BAIAP2: variants seen among roughly 807,000 people sequenced by gnomAD.
BAIAP2 encodes BAR/IMD domain-containing adapter protein 2.
In BAIAP2, 18 loss-of-function variants were observed where a neutral mutation model predicts 63.0. The observed-to-expected ratio is 0.29, with a 90% confidence interval of 0.20 to 0.42. The LOEUF (loss-of-function observed/expected upper bound fraction) is 0.42. BAIAP2 is among the 10% of genes least tolerant of loss of function. BAIAP2 has a pLI of 1.00. For synonymous variants in BAIAP2, 386 were observed against 307.6 expected (o/e 1.25, Z -2.67); for missense variants, 610 against 734.3 (o/e 0.83, Z 1.96).
rs946595096 is a variant in BAIAP2, at chr17:81,035,159, G to C, written c.-96G>C. On this transcript the variant is annotated 5_prime_UTR_variant, in exon 1 of 14. Transcript: ENST00000428708. ...GCCGGACGCCGGGCTCTGTGGTTCG[G>C]GTCCGCTTTCGTCTCCGTCCTGCTG... 1 of 1,039,480 alleles carries C rather than the reference G, an allele frequency of 9.6e-7. No homozygotes were observed. The highest frequency in any genetic ancestry group is 3.0e-5 in the Admixed American group (1 of 33,702). The allele number at this position is 1,039,480 out of a possible 1,614,324, so 64.4% of individuals were successfully genotyped here.
At chr17:81,043,252 G>A (rs950287217) in intron 1 of BAIAP2, among the ~76,000 whole-genome samples, 2 of 152,226 alleles carry the variant, frequency 1.3e-5, no homozygotes, top group Non-Finnish European at 2.9e-5. Context: ...CCCCATACCC[G>A]TTTTTCCAGC....
At chr17:81,095,992 G>A (rs2057554976) in intron 6 of BAIAP2, among the ~76,000 whole-genome samples, 1 of 152,138 alleles carries the variant, frequency 6.6e-6, no homozygotes, top group Non-Finnish European at 1.5e-5. Context: ...CTGTAGGGTG[G>A]GCAACCGGAG....
rs548904508 is a variant in BAIAP2 at position 81,057,722 on chromosome 17, T to C, written c.131-159T>C. The stretch of plus-strand genomic sequence containing the variant: ...ACAAGAATATCAACAAGAGATGGGT[T>C]CTGTCCAACCCAGAAATCACAGCGA... On this transcript the variant is annotated intron_variant, in intron 2 of 13. Coordinates refer to ENST00000428708, the MANE Select transcript of BAIAP2 (RefSeq NM_001144888.2). The C allele has an allele frequency of 2.8e-5, 39 of 1,404,712 alleles. No homozygotes were observed. In the East Asian group the frequency reaches 9.2e-4, roughly 33 times the overall value. The allele number at this position is 1,404,712 out of a possible 1,614,324, so 87.0% of individuals were successfully genotyped here.
intron 1 of BAIAP2, among the ~76,000 whole-genome samples, chr17:81,047,451 C>T (rs560714607): frequency 1.5e-4 from 23 of 152,350 alleles, no homozygotes; most frequent in Non-Finnish European, 5.9e-5. Context: ...ATAGAAAACA[C>T]GGCTCAGCCT....
intron 4 of BAIAP2, 154 bp downstream of exon 4, chr17:81,085,047 C>T (rs2055330204): frequency 1.3e-6 from 1 of 765,194 alleles, no homozygotes; most frequent in South Asian, 1.6e-5. Context: ...ACAAGCCACA[C>T]TCGAAGGAGG....
At chr17:81,050,189 C>T (rs1027351142) in intron 1 of BAIAP2, among the ~76,000 whole-genome samples, 2 of 152,216 alleles carry the variant, frequency 1.3e-5, no homozygotes, top group Non-Finnish European at 2.9e-5. Flanking sequence ...AGGAACTGGC[C>T]CTTCCGCCCG....
At chr17:81,036,891 T>G in intron 1 of BAIAP2, 1 of 1,535,622 alleles carries the variant, frequency 6.5e-7, no homozygotes, top group Non-Finnish European at 8.7e-7. Flanking sequence ...CAGCGGAACC[T>G]TTTTCCTATT....
chr17:81,056,911 G>C (rs1568087297), intron 2 of BAIAP2, among the ~76,000 whole-genome samples: 1 of 150,572 alleles, frequency 6.6e-6, no homozygotes, highest in African/African-American at 2.5e-5. Flanking sequence ...GCGTTTTTCT[G>C]CTGTTGCGTT....
chr17:81,108,179 G>A lies in BAIAP2; in HGVS notation c.1501-296G>A, dbSNP rs2059404932. On this transcript the variant is annotated intron_variant, in intron 12 of 13. Transcript: ENST00000428708. ...CGGCTCCCTGGGGGCAGGAGGAGGG[G>A]TCTCAGGCGGCCAGTCTTGCATCTG... 6.2e-6 allele frequency: 3 copies of A among 487,346 alleles called. No individual in the cohort carries two copies. In the Admixed American group the frequency reaches 1.1e-4, roughly 19 times the overall value. 30.2% of individuals were successfully genotyped at this position (487,346 alleles called of 1,614,324 possible).
At chr17:81,109,159 C>T in intron 13 of BAIAP2, 1 of 1,436,684 alleles carries the variant, frequency 7.0e-7, no homozygotes. Flanking sequence ...CTGTGATCCC[C>T]CAGGGTCCAT....
intron 6 of BAIAP2, chr17:81,098,216 T>G (rs1312389927): frequency 7.5e-7 from 1 of 1,334,544 alleles, no homozygotes; most frequent in Non-Finnish European, 9.7e-7. Context: ...CAACAAGCCC[T>G]GCACCCATGG....
In BAIAP2 at chr17:81,115,846, C is replaced by A. The variant is rs770401249; in HGVS notation, c.*7C>A. 1.2e-6 allele frequency: 2 copies of A among 1,613,168 alleles called. No homozygotes were observed. Among genetic ancestry groups the A allele is most frequent in the African/African-American group, 2.7e-5 (2 of 74,956 alleles). On this transcript the variant is annotated 3_prime_UTR_variant, in exon 14 of 14. Transcript: ENST00000428708. ...TGCCCCCCTCCTCAGCTGATGGCCA[C>A]ATCTGCAGTGCTGCCCATCTGGTGG...
At chr17:81,104,193 G>A in intron 9 of BAIAP2, 85 bp downstream of exon 9, 1 of 1,424,728 alleles carries the variant, frequency 7.0e-7, no homozygotes, top group Non-Finnish European at 9.7e-7. Context: ...CTCAATAGGG[G>A]CCTGGGAGAC....
chr17:81,075,552 G>A (rs1344274142), intron 3 of BAIAP2, among the ~76,000 whole-genome samples: 2 of 152,250 alleles, frequency 1.3e-5, no homozygotes, highest in African/African-American at 4.8e-5. Context: ...AGACGCGGCT[G>A]TGTCAGAGCA....
intron 1 of BAIAP2, chr17:81,035,910 G>A (rs1467924449): frequency 2.6e-5 from 4 of 152,250 alleles, no homozygotes; most frequent in Admixed American, 2.0e-4. Flanking sequence ...GGAGGTCGGA[G>A]CGCGGGCAGG....
chr17:81,035,222 C>A lies in BAIAP2; in HGVS notation c.-33C>A. The A allele has an allele frequency of 2.0e-6, 3 of 1,473,410 alleles. No homozygotes were observed. The highest frequency in any genetic ancestry group is 2.7e-6 in the Non-Finnish European group (3 of 1,103,868). The allele number at this position is 1,473,410 out of a possible 1,614,324, so 91.3% of individuals were successfully genotyped here. A position where few individuals can be genotyped will look rare whatever the true frequency, so the allele number is the denominator to read the frequency against. On this transcript the variant is annotated 5_prime_UTR_variant, in exon 1 of 14. Transcript: ENST00000428708. The stretch of plus-strand genomic sequence containing the variant: ...CTGCTGCCGCCGCTTGCGTCCCCCG[C>A]TCCGGTCTGTGGTGCAGCCGGGACC...
At chr17:81,039,609 G>C (rs2046808770) in intron 1 of BAIAP2, among the ~76,000 whole-genome samples, 1 of 152,186 alleles carries the variant, frequency 6.6e-6, no homozygotes, top group Admixed American at 6.5e-5. Context: ...TGGACCTGAG[G>C]TTCAGGATTA....
intron 1 of BAIAP2, among the ~76,000 whole-genome samples, chr17:81,043,700 G>A (rs1247076824): frequency 1.3e-5 from 2 of 152,000 alleles, no homozygotes; most frequent in South Asian, 4.2e-4. Flanking sequence ...TGCTTCGTGT[G>A]CGGGTCCTGG....
intron 6 of BAIAP2, among the ~76,000 whole-genome samples, chr17:81,098,671 C>A (rs1196225938): frequency 6.6e-6 from 1 of 152,158 alleles, no homozygotes; most frequent in Non-Finnish European, 1.5e-5. Context: ...TTGGGGAAAT[C>A]ATTTTGGCTG....
Sources: gnomAD v4.1 joint callset for allele counts (sites outside exome capture counted in the v4.1 genomes callset) on GRCh38, gnomAD v4.1.1 for gene constraint, MANE v1.5 for transcripts, NCBI Gene and HGNC (gene_info 2026-07-23, HGNC 2026-07-21) for gene names.